TAB2: variants seen among roughly 807,000 people sequenced by gnomAD.
TAB2 encodes TGF-beta-activated kinase 1 and MAP3K7-binding protein 2.
A neutral mutation model predicts 65.0 loss-of-function variants in TAB2; 3 were observed. The ratio of observed to expected loss-of-function variants is 0.05; its 90% CI spans 0.02 to 0.12. TAB2 has a LOEUF of 0.12. TAB2 is among the 10% of genes least tolerant of loss of function. The pLI is 1.00. For synonymous variants in TAB2, 298 were observed against 285.1 expected, an observed-to-expected ratio of 1.05 and a Z score of -0.46; for missense variants, 623 against 840.3, an observed-to-expected ratio of 0.74 and a Z score of 3.20.
intron 1 of TAB2, among the ~76,000 whole-genome samples, chr6:149,323,013 G>A (rs946580048): frequency 3.3e-5 from 5 of 152,112 alleles, no homozygotes; most frequent in African/African-American, 1.2e-4. Context: ...CTTCCTTTCA[G>A]TCTTTACTTC....
chr6:149,319,794 C>A (rs936100029), intron 1 of TAB2, among the ~76,000 whole-genome samples: 1 of 152,076 alleles, frequency 6.6e-6, no homozygotes, highest in Admixed American at 6.5e-5. Context: ...GTTACTTTTC[C>A]TGAGTTTAAA....
chr6:149,319,362 G>C (rs1409146876), intron 1 of TAB2, among the ~76,000 whole-genome samples: 1 of 152,126 alleles, frequency 6.6e-6, no homozygotes, highest in Non-Finnish European at 1.5e-5. Context: ...TTAAACTTTT[G>C]ACGGTTTGAA....
intron 1 of TAB2, chr6:149,318,493 A>G (rs2114721448): frequency 3.0e-5 from 1 of 33,446 alleles, no homozygotes; most frequent in South Asian, 1.0e-3. Context: ...GACACGGGGC[A>G]GTTATGTGGG....
chr6:149,226,715 G>A (rs1290086915), intron 1 of TAB2, among the ~76,000 whole-genome samples: 1 of 152,170 alleles, frequency 6.6e-6, no homozygotes, highest in Non-Finnish European at 1.5e-5. Context: ...GATACTAGGT[G>A]CAAAAACAAA....
At chr6:149,271,376 A>T (rs191676668) in intron 1 of TAB2, among the ~76,000 whole-genome samples, 6 of 152,308 alleles carry the variant, frequency 3.9e-5, no homozygotes, top group Admixed American at 1.3e-4. Context: ...AAGGGTAAGA[A>T]AAAAGCTCTG....
At chr6:149,218,624 T>C, upstream of TAB2, 1 of 363,614 alleles carries the variant, frequency 2.8e-6, no homozygotes, top group Non-Finnish European at 5.6e-6. Flanking sequence ...TTCTTACAGA[T>C]GAGAAGACTA....
chr6:149,284,799 T>A (rs890375486), intron 1 of TAB2, among the ~76,000 whole-genome samples: 3 of 152,254 alleles, frequency 2.0e-5, no homozygotes, highest in Middle Eastern at 6.8e-3. Context: ...TAAATTAACA[T>A]CTAAAGAACT....
intron 1 of TAB2, among the ~76,000 whole-genome samples, chr6:149,320,013 C>T (rs925967142): frequency 1.3e-5 from 2 of 152,130 alleles, no homozygotes; most frequent in African/African-American, 4.8e-5. Context: ...TGGAAAAAAG[C>T]GCTTGCCTTC....
intron 1 of TAB2, among the ~76,000 whole-genome samples, chr6:149,240,477 T>C (rs1282492229): frequency 6.6e-6 from 1 of 152,136 alleles, no homozygotes. Context: ...TTCGGGAGAG[T>C]TTCTGGAACT....
upstream of TAB2, among the ~76,000 whole-genome samples, chr6:149,314,865 CT>C (rs57785399): frequency 4.0e-3 from 575 of 143,212 alleles, 1 homozygote; most frequent in Middle Eastern, 0.015. Context: ...GGAACTATAT[CT>C]TTTTTTTTTT....
chr6:149,305,941 G>C (rs1256344840), intron 1 of TAB2, among the ~76,000 whole-genome samples: 1 of 152,180 alleles, frequency 6.6e-6, no homozygotes. Flanking sequence ...GGAACATGAA[G>C]ATGACCAACG....
chr6:149,401,050 CA>C (rs984797511), intron 6 of TAB2: 80 of 196,012 alleles, frequency 4.1e-4, no homozygotes, highest in East Asian at 9.2e-4. Context: ...TTAACAACAA[CA>C]AAAAAAAATT....
intron 1 of TAB2, among the ~76,000 whole-genome samples, chr6:149,230,565 T>C (rs1309517956): frequency 6.6e-6 from 1 of 151,946 alleles, no homozygotes; most frequent in Non-Finnish European, 1.5e-5. Flanking sequence ...GAATATAGAG[T>C]GTAAAAATAA....
chr6:149,312,452 T>G (rs1425621154), intron 1 of TAB2, among the ~76,000 whole-genome samples: 2 of 152,172 alleles, frequency 1.3e-5, no homozygotes, highest in Non-Finnish European at 2.9e-5. Context: ...AACCTCAGCC[T>G]CCCGGGTTCA....
At chr6:149,248,031 C>T (rs867457211) in intron 1 of TAB2, 1 of 152,134 alleles carries the variant, frequency 6.6e-6, no homozygotes, top group South Asian at 2.1e-4. Flanking sequence ...ACCTGTGTAA[C>T]AAACCTGCAT....
At chr6:149,361,821 A>T (rs1583124264) in intron 1 of TAB2, among the ~76,000 whole-genome samples, 1 of 152,324 alleles carries the variant, frequency 6.6e-6, no homozygotes, top group East Asian at 1.9e-4. Flanking sequence ...CCACATCAGA[A>T]ATTTCTTCTG....
chr6:149,371,945 T>C (rs927176560), intron 2 of TAB2, among the ~76,000 whole-genome samples: 2 of 152,124 alleles, frequency 1.3e-5, no homozygotes, highest in African/African-American at 4.8e-5. Context: ...CCAAGTAACT[T>C]CTCCCTAACT....
At chr6:149,374,065 T>C (rs1037296612) in intron 2 of TAB2, among the ~76,000 whole-genome samples, 1 of 152,170 alleles carries the variant, frequency 6.6e-6, no homozygotes. Context: ...AAATAAATCA[T>C]AGTCACCTTT....
intron 6 of TAB2, 83 bp downstream of exon 6, chr6:149,399,267 C>T (rs1247334377): frequency 3.0e-6 from 3 of 987,690 alleles, no homozygotes; most frequent in Admixed American, 3.9e-5. Context: ...CAACCTTCCT[C>T]TCTAGAATTG....
Sources: gnomAD v4.1 joint callset for allele counts (sites outside exome capture counted in the v4.1 genomes callset) on GRCh38, gnomAD v4.1.1 for gene constraint, MANE v1.5 for transcripts, NCBI Gene and HGNC (gene_info 2026-07-23, HGNC 2026-07-21) for gene names.